NAV3: variants seen among roughly 807,000 people sequenced by gnomAD.
The protein encoded by NAV3 is neuron navigator 3, also known as pore membrane and/or filament interacting like protein 1.
Under a neutral mutation model 244.7 loss-of-function variants are expected in NAV3, and 87 were observed. The ratio of observed to expected loss-of-function variants is 0.36; its 90% CI spans 0.30 to 0.42. The LOEUF (loss-of-function observed/expected upper bound fraction) is 0.42. Ranked by LOEUF, NAV3 falls within the 20% of genes least tolerant of loss-of-function variation. NAV3 has a pLI of 1.00. For missense variants in NAV3, 2,663 were observed against 2,893.3 expected, an observed-to-expected ratio of 0.92 and a Z score of 1.83; for synonymous variants, 1,126 against 1,042.2, an observed-to-expected ratio of 1.08 and a Z score of -1.55.
chr12:77,659,403 C>T (rs1272314259), intron 2 of NAV3, among the ~76,000 whole-genome samples: 1 of 152,118 alleles, frequency 6.6e-6, no homozygotes, highest in African/African-American at 2.4e-5. Context: ...ATCAAAATCA[C>T]AATGAGATAT....
chr12:78,117,027 C>G (rs1955417597), intron 13 of NAV3, 123 bp downstream of exon 13: 2 of 1,170,838 alleles, frequency 1.7e-6, no homozygotes, highest in Admixed American at 2.1e-5. Flanking sequence ...CTGGAAAATG[C>G]AGAGATAATA....
chr12:77,792,779 T>A (rs1871240086), intron 2 of NAV3, among the ~76,000 whole-genome samples: 1 of 152,180 alleles, frequency 6.6e-6, no homozygotes, highest in Non-Finnish European at 1.5e-5. Flanking sequence ...CTCTTATGGG[T>A]GTTTCCCTTA....
At chr12:77,668,500 T>G (rs1873820213) in intron 2 of NAV3, among the ~76,000 whole-genome samples, 1 of 151,966 alleles carries the variant, frequency 6.6e-6, no homozygotes, top group African/African-American at 2.4e-5. Flanking sequence ...CACTGAAAAG[T>G]CTCAGCAATA....
At chr12:77,835,707 T>C (rs1469307122) in intron 1 of NAV3, among the ~76,000 whole-genome samples, 1 of 152,212 alleles carries the variant, frequency 6.6e-6, no homozygotes, top group African/African-American at 2.4e-5. Context: ...TGATTCCAAA[T>C]TGGTATCGTC....
chr12:77,795,377 A>G (rs1871359527), intron 2 of NAV3, among the ~76,000 whole-genome samples: 1 of 152,152 alleles, frequency 6.6e-6, no homozygotes, highest in South Asian at 2.1e-4. Flanking sequence ...AGATTGGTTC[A>G]TGAGGTATAA....
intron 2 of NAV3, among the ~76,000 whole-genome samples, chr12:77,703,746 C>T (rs1346147993): frequency 2.0e-5 from 3 of 152,042 alleles, no homozygotes; most frequent in Non-Finnish European, 4.4e-5. Flanking sequence ...GACAATTCCA[C>T]AAAATTAAAT....
rs200228978 is a variant in NAV3, at chr12:78,189,357, AT to A, written c.6055+583del. 4.6e-3 allele frequency among the ~76,000 whole-genome samples: 693 copies of A among 151,966 alleles called. 5 individuals carry two copies. The highest frequency in any genetic ancestry group is 0.016 in the African/African-American group (664 of 41,530). ...ATATAAACTGTGAGTTAATAGAGGAATTTGTCAATATTTGATTTTATGATGA... is the reference window on the plus strand; with the variant it reads ...ATATAAACTGTGAGTTAATAGAGGAATTGTCAATATTTGATTTTATGATGA... On this transcript the variant is annotated intron_variant, in intron 33 of 39. Coordinates refer to ENST00000397909, the MANE Select transcript of NAV3 (RefSeq NM_001024383.2).
chr12:78,205,621 A>G (rs978496066), intron 39 of NAV3, among the ~76,000 whole-genome samples: 3 of 152,112 alleles, frequency 2.0e-5, no homozygotes, highest in Admixed American at 6.6e-5. Context: ...TTGGAAGTCA[A>G]ATGGAAGTTA....
At chr12:77,701,718 T>G (rs566027886) in intron 2 of NAV3, among the ~76,000 whole-genome samples, 75 of 152,130 alleles carry the variant, frequency 4.9e-4, no homozygotes, top group Middle Eastern at 3.4e-3. Flanking sequence ...CCAGTATCCA[T>G]TGTAATTTCG....
chr12:78,075,444 A>G (rs1015523071), intron 12 of NAV3, among the ~76,000 whole-genome samples: 4 of 152,138 alleles, frequency 2.6e-5, no homozygotes, highest in Non-Finnish European at 4.4e-5. Context: ...TGTTTGTATA[A>G]CTGAGAAGTC....
Position 78,182,395 on chromosome 12 carries a change from G to T in NAV3, c.5692+1350G>T, listed in dbSNP as rs186486880. Among the ~76,000 whole-genome samples the T allele has an allele frequency of 3.9e-5, 6 of 152,074 alleles. 1 individual carries two copies. In the East Asian group the frequency reaches 9.7e-4, roughly 25 times the overall value. The stretch of plus-strand genomic sequence containing the variant: ...TGACCAGTGCATTTCTGGATCCTCA[G>T]GCTTGTCTCCTAGGAAAAGACAAAG... On this transcript the variant is annotated intron_variant, in intron 30 of 39. Transcript: ENST00000397909.
intron 13 of NAV3, 36 bp downstream of exon 13, chr12:78,116,940 G>A (rs1483582428): frequency 1.9e-6 from 3 of 1,604,490 alleles, no homozygotes; most frequent in Non-Finnish European, 2.6e-6. Flanking sequence ...CAGTGTTTCT[G>A]CCAGCTTTTT....
chr12:77,991,799 G>A (rs929605634), intron 5 of NAV3, among the ~76,000 whole-genome samples: 2 of 152,268 alleles, frequency 1.3e-5, no homozygotes, highest in African/African-American at 2.4e-5. Context: ...TTGGGAGGCC[G>A]AGGTGAGCGG....
rs192037094 is a variant in NAV3 at position 78,050,303 on chromosome 12, A to T, written c.2132+202A>T. On this transcript the variant is annotated intron_variant, in intron 10 of 39. Transcript: ENST00000397909. ...CTATTTATCTTTTATCTCTATCTCTATCTGCTATTTATGTCTTTTTCAGTA... is the reference window on the plus strand; with the variant it reads ...CTATTTATCTTTTATCTCTATCTCTTTCTGCTATTTATGTCTTTTTCAGTA... Among the ~76,000 whole-genome samples, 296 of 152,280 alleles carry T rather than the reference A, an allele frequency of 1.9e-3. 1 individual carries two copies. The highest frequency in any genetic ancestry group is 3.4e-3 in the Non-Finnish European group (233 of 68,026).
At chr12:77,651,825 A>G (rs1872835695) in intron 2 of NAV3, among the ~76,000 whole-genome samples, 1 of 152,198 alleles carries the variant, frequency 6.6e-6, no homozygotes, top group Non-Finnish European at 1.5e-5. Context: ...GAAAAGAAAG[A>G]GTCAGAGGTG....
At chr12:77,967,105 T>C (rs1326906707) in intron 4 of NAV3, among the ~76,000 whole-genome samples, 1 of 152,066 alleles carries the variant, frequency 6.6e-6, no homozygotes, top group Non-Finnish European at 1.5e-5. Flanking sequence ...TCGAATAACA[T>C]TTGAGTAAAA....
intron 2 of NAV3, among the ~76,000 whole-genome samples, chr12:77,784,380 A>G (rs1870809636): frequency 6.6e-6 from 1 of 152,224 alleles, no homozygotes; most frequent in African/African-American, 2.4e-5. Context: ...TGTAGAATGT[A>G]CAATAGAATT....
At chr12:77,995,033 C>A (rs1363704886) in intron 6 of NAV3, among the ~76,000 whole-genome samples, 162 bp downstream of exon 6, 1 of 151,734 alleles carries the variant, frequency 6.6e-6, no homozygotes, top group Non-Finnish European at 1.5e-5. Flanking sequence ...CAGGGATGAG[C>A]ATGTTTGTAC....
chr12:77,901,600 C>T (rs984415558), intron 1 of NAV3, among the ~76,000 whole-genome samples: 6 of 152,118 alleles, frequency 3.9e-5, no homozygotes, highest in African/African-American at 9.7e-5. Flanking sequence ...ATCCCAGCCA[C>T]TTGGGAGGCT....
Sources: gnomAD v4.1 joint callset for allele counts (sites outside exome capture counted in the v4.1 genomes callset) on GRCh38, gnomAD v4.1.1 for gene constraint, MANE v1.5 for transcripts, NCBI Gene and HGNC (gene_info 2026-07-23, HGNC 2026-07-21) for gene names.